TUSC3: variants seen among roughly 807,000 people sequenced by gnomAD.
TUSC3 encodes the protein dolichyl-diphosphooligosaccharide--protein glycosyltransferase subunit TUSC3.
In TUSC3, 45 loss-of-function variants were observed where a neutral mutation model predicts 44.8. That is an observed-to-expected ratio of 1.00 (90% CI 0.79 to 1.29). TUSC3 has a LOEUF of 1.29. Among genes scored for constraint, TUSC3 ranks in the 50% most tolerant of loss-of-function variants. TUSC3 has a pLI of 0.00. For missense variants in TUSC3, 519 were observed against 437.9 expected (o/e 1.19, Z -1.65); for synonymous variants, 212 against 152.9 (o/e 1.39, Z -2.85).
chr8:15,773,792 C>T, the TUSC3 span, among the ~76,000 whole-genome samples: 4 of 152,138 alleles, frequency 2.6e-5, no homozygotes, highest in South Asian at 6.2e-4. Flanking sequence ...ATACCCATAA[C>T]CTCTCTATTG....
At chr8:15,430,336 A>G (rs1799856772) in intron 1 of TUSC3, among the ~76,000 whole-genome samples, 1 of 149,976 alleles carries the variant, frequency 6.7e-6, no homozygotes, top group South Asian at 2.1e-4. Context: ...AAACAAATCA[A>G]TAAACGTAAT....
intron 1 of TUSC3, among the ~76,000 whole-genome samples, chr8:15,596,484 A>G (rs1178291863): frequency 6.6e-6 from 1 of 152,096 alleles, no homozygotes; most frequent in African/African-American, 2.4e-5. Flanking sequence ...CGCAAGACCA[A>G]CTGCAGGGCT....
At position 15,757,866 on chromosome 8, in the gene TUSC3, T is replaced by C. The variant is rs1811998040; in HGVS notation, c.*46+11T>C. 7.2e-7 allele frequency: 1 copy of C among 1,380,932 alleles called. No individual in the cohort carries two copies. Among genetic ancestry groups the C allele is most frequent in the Non-Finnish European group, 1.0e-6 (1 of 967,512 alleles). 85.5% of individuals were successfully genotyped at this position (1,380,932 alleles called of 1,614,324 possible). On this transcript the variant is annotated intron_variant, in intron 10 of 10. Transcript: ENST00000503731. ...ACTCTATAACCTCAGGCAAGTCTTTTAATCTTCTCTGAGCCTCAGTTTTCC... is the reference window on the plus strand; with the variant it reads ...ACTCTATAACCTCAGGCAAGTCTTTCAATCTTCTCTGAGCCTCAGTTTTCC...
At chr8:15,700,087 G>C (rs1337301899) in intron 6 of TUSC3, among the ~76,000 whole-genome samples, 1 of 151,992 alleles carries the variant, frequency 6.6e-6, no homozygotes, top group East Asian at 1.9e-4. Flanking sequence ...TTGAAAACAG[G>C]ACAAGATTAC....
intron 2 of TUSC3, among the ~76,000 whole-genome samples, chr8:15,515,132 C>T (rs1037936282): frequency 4.6e-5 from 7 of 152,050 alleles, no homozygotes; most frequent in African/African-American, 1.7e-4. Flanking sequence ...GTTTTGAAAT[C>T]AGAAAATGGG....
chr8:15,621,264 G>A (rs1805231507), intron 1 of TUSC3, among the ~76,000 whole-genome samples: 1 of 151,518 alleles, frequency 6.6e-6, no homozygotes, highest in Non-Finnish European at 1.5e-5. Flanking sequence ...GGTAAATACT[G>A]GAGACTTTAA....
At chr8:15,684,838 G>C (rs569622290) in intron 6 of TUSC3, among the ~76,000 whole-genome samples, 1 of 152,310 alleles carries the variant, frequency 6.6e-6, no homozygotes, top group African/African-American at 2.4e-5. Flanking sequence ...CTGTGCTGCA[G>C]GAGAGCAGAC....
chr8:15,529,778 C>A (rs1173171732), intron 2 of TUSC3, among the ~76,000 whole-genome samples: 1 of 139,074 alleles, frequency 7.2e-6, no homozygotes, highest in Non-Finnish European at 1.5e-5. Context: ...TATAGTAATT[C>A]TGTGAAAAAG....
At chr8:15,470,183 A>G (rs1800469079) in intron 1 of TUSC3, among the ~76,000 whole-genome samples, 1 of 151,682 alleles carries the variant, frequency 6.6e-6, no homozygotes, top group Admixed American at 6.6e-5. Context: ...TCTGAGGTGA[A>G]AAGATTGCTT....
chr8:15,756,275 C>T (rs1272539277), intron 9 of TUSC3, among the ~76,000 whole-genome samples: 1 of 152,128 alleles, frequency 6.6e-6, no homozygotes, highest in Non-Finnish European at 1.5e-5. Flanking sequence ...TTACCTCTCT[C>T]TCTATATTTA....
chr8:15,851,201 A>C, the TUSC3 span, among the ~76,000 whole-genome samples: 1 of 152,150 alleles, frequency 6.6e-6, no homozygotes, highest in South Asian at 2.1e-4. Flanking sequence ...AAGCCTTGTT[A>C]TTTTTCCAGT....
chr8:15,430,051 A>G (rs186813896), intron 1 of TUSC3, among the ~76,000 whole-genome samples: 2 of 151,692 alleles, frequency 1.3e-5, no homozygotes, highest in African/African-American at 2.4e-5. Flanking sequence ...TGGAGGTACA[A>G]GGAGGAGCTG....
At chr8:15,449,057 A>C (rs1030062977) in intron 1 of TUSC3, among the ~76,000 whole-genome samples, 4 of 152,280 alleles carry the variant, frequency 2.6e-5, no homozygotes, top group African/African-American at 7.2e-5. Flanking sequence ...GACATCTATA[A>C]ATTTAGAAAG....
At chr8:15,429,844 T>C (rs1339156587) in intron 1 of TUSC3, among the ~76,000 whole-genome samples, 1 of 151,728 alleles carries the variant, frequency 6.6e-6, no homozygotes, top group Non-Finnish European at 1.5e-5. Context: ...CAGAGAATAC[T>C]ATAAACACCT....
chr8:15,716,849 T>C (rs917459631), intron 6 of TUSC3, among the ~76,000 whole-genome samples: 2 of 152,138 alleles, frequency 1.3e-5, no homozygotes, highest in African/African-American at 4.8e-5. Context: ...TTTTTTGAGT[T>C]TAAGTGTTCT....
intron 6 of TUSC3, among the ~76,000 whole-genome samples, chr8:15,704,838 G>A (rs970751668): frequency 1.3e-5 from 2 of 151,630 alleles, no homozygotes; most frequent in African/African-American, 2.4e-5. Flanking sequence ...TGATTTTTTA[G>A]ATAAACTGGG....
chr8:15,797,728 G>A, the TUSC3 span, among the ~76,000 whole-genome samples: 1 of 152,186 alleles, frequency 6.6e-6, no homozygotes, highest in African/African-American at 2.4e-5. Flanking sequence ...AACTATTCTA[G>A]ATGCCTTGGT....
intron 7 of TUSC3, 72 bp downstream of exon 7, chr8:15,730,801 C>T: frequency 6.8e-7 from 1 of 1,467,732 alleles, no homozygotes; most frequent in Non-Finnish European, 9.5e-7. Context: ...GACATTTTTC[C>T]TGGCAGTAAA....
At chr8:15,798,216 G>A in the TUSC3 span, among the ~76,000 whole-genome samples, 25 of 152,272 alleles carry the variant, frequency 1.6e-4, no homozygotes, top group African/African-American at 5.8e-4. Context: ...ATCAACAACA[G>A]AACATTGAAT....
Sources: allele counts gnomAD v4.1 joint callset (sites outside exome capture counted in the v4.1 genomes callset), GRCh38; gene constraint gnomAD v4.1.1; transcripts MANE v1.5; gene names NCBI Gene and HGNC (gene_info 2026-07-23, HGNC 2026-07-21).